Variants in LGR4 observed in about 807,000 individuals in gnomAD.
The protein encoded by LGR4 is leucine-rich repeat-containing G protein-coupled receptor 4.
LGR4 carries 44 observed loss-of-function variants against 84.8 expected under a neutral mutation model. The ratio of observed to expected loss-of-function variants is 0.52; its 90% CI spans 0.41 to 0.67. LGR4 has a LOEUF of 0.67. LGR4 is among the 30% of genes least tolerant of loss of function. The probability of loss-of-function intolerance (pLI) is 0.00; values close to 1 mark genes in which losing one functional copy is unlikely to be tolerated. For missense variants in LGR4, 1,032 were observed against 1,131.4 expected (o/e 0.91, Z 1.26); for synonymous variants, 429 against 434.3 (o/e 0.99, Z 0.15).
intron 17 of LGR4, among the ~76,000 whole-genome samples, chr11:27,371,381 T>C (rs1467858279): frequency 1.3e-5 from 2 of 152,178 alleles, no homozygotes; most frequent in Non-Finnish European, 2.9e-5. Context: ...TGTACAACCT[T>C]CACCTGGGGG....
At chr11:27,373,494 T>C in intron 15 of LGR4, 57 bp downstream of exon 15, 2 of 1,463,898 alleles carry the variant, frequency 1.4e-6, no homozygotes, top group South Asian at 3.1e-5. Flanking sequence ...CAGGACACTC[T>C]GTAATTTTGG....
intron 17 of LGR4, 35 bp from the exon 18 acceptor site, chr11:27,369,178 A>G: frequency 6.8e-7 from 1 of 1,477,562 alleles, no homozygotes; most frequent in Non-Finnish European, 9.0e-7. Context: ...GAGAAATAAA[A>G]GATAACTTAG....
intron 1 of LGR4, among the ~76,000 whole-genome samples, chr11:27,427,969 C>T (rs987477232): frequency 6.6e-6 from 1 of 152,060 alleles, no homozygotes; most frequent in African/African-American, 2.4e-5. Flanking sequence ...AATTGTAACC[C>T]GATGTTTACA....
Position 27,391,120 on chromosome 11 carries a change from A to C in LGR4, c.375T>G (p.Ile125Met). The part of the protein sequence containing the change: ...NQLKTVPSEA[I>M]RGLSALQSLR... ...AAGACTGCAAAGCACTCAGCCCTCG[A>C]ATGGCTTCACTGGGTACTGTTTTCA... Residue 125 changes from isoleucine to methionine, a missense_variant, in exon 4 of 18, where the codon ATT (isoleucine) becomes ATG (methionine). Physicochemically the swap from Ile to Met is conservative, Grantham distance 10. Transcript: ENST00000379214. 2 of 1,610,402 alleles carry C rather than the reference A, an allele frequency of 1.2e-6. No homozygotes were observed. The highest frequency in any genetic ancestry group is 1.7e-6 in the Non-Finnish European group (2 of 1,178,106).
chr11:27,438,185 C>T (rs1864244826), intron 1 of LGR4, among the ~76,000 whole-genome samples: 2 of 152,206 alleles, frequency 1.3e-5, no homozygotes, highest in Middle Eastern at 3.2e-3. Flanking sequence ...TTCCACATTT[C>T]TCCCAATACA....
intron 1 of LGR4, among the ~76,000 whole-genome samples, chr11:27,456,498 G>A (rs911784484): frequency 3.3e-5 from 5 of 152,150 alleles, no homozygotes; most frequent in African/African-American, 1.2e-4. Flanking sequence ...CAGCTATATG[G>A]AAACCATCAT....
chr11:27,434,623 G>C (rs1376042566), intron 1 of LGR4, among the ~76,000 whole-genome samples: 1 of 152,146 alleles, frequency 6.6e-6, no homozygotes, highest in African/African-American at 2.4e-5. Context: ...ACTAAACGCA[G>C]TGGCTAAAGA....
intron 1 of LGR4, among the ~76,000 whole-genome samples, chr11:27,445,486 CATG>C (rs1028850200): frequency 6.6e-6 from 1 of 152,132 alleles, no homozygotes; most frequent in Non-Finnish European, 1.5e-5. Flanking sequence ...AAGCTCTTAG[CATG>C]ATATCTGGTA....
chr11:27,461,352 A>G (rs1341030968), intron 1 of LGR4, among the ~76,000 whole-genome samples: 2 of 152,114 alleles, frequency 1.3e-5, no homozygotes, highest in African/African-American at 2.4e-5. Flanking sequence ...ATTAAAAAAA[A>G]AAAAATAACA....
chr11:27,415,079 G>C (rs950553994), intron 1 of LGR4, among the ~76,000 whole-genome samples: 1 of 152,006 alleles, frequency 6.6e-6, no homozygotes, highest in Non-Finnish European at 1.5e-5. Context: ...GATACATTTG[G>C]CCTTAACCAA....
intron 10 of LGR4, among the ~76,000 whole-genome samples, 190 bp downstream of exon 10, chr11:27,380,081 A>G (rs530510665): frequency 2.0e-5 from 3 of 152,276 alleles, no homozygotes; most frequent in East Asian, 3.9e-4. Context: ...TCTTATCCAC[A>G]TAATCGGCTC....
intron 4 of LGR4, among the ~76,000 whole-genome samples, chr11:27,387,252 GC>G (rs1240416368): frequency 6.6e-6 from 1 of 152,146 alleles, no homozygotes; most frequent in African/African-American, 2.4e-5. Flanking sequence ...CAGGCATGAG[GC>G]CTGTCCTCAA....
At chr11:27,426,136 G>A (rs148278497) in intron 1 of LGR4, among the ~76,000 whole-genome samples, 348 of 152,268 alleles carry the variant, frequency 2.3e-3, no homozygotes, top group African/African-American at 8.1e-3. Flanking sequence ...GGTTGCAGGC[G>A]GAAAGAAAGG....
chr11:27,430,839 C>T (rs1864103445), intron 1 of LGR4, among the ~76,000 whole-genome samples: 1 of 152,120 alleles, frequency 6.6e-6, no homozygotes, highest in Admixed American at 6.6e-5. Context: ...AAGGCCCTAC[C>T]TGAACTTGCT....
intron 1 of LGR4, among the ~76,000 whole-genome samples, chr11:27,424,640 C>A (rs1269979722): frequency 6.6e-6 from 1 of 152,170 alleles, no homozygotes; most frequent in South Asian, 2.1e-4. Context: ...AGAAAGAAGG[C>A]CACATCACAG....
intron 1 of LGR4, among the ~76,000 whole-genome samples, chr11:27,466,822 T>TA (rs1864785476): frequency 6.6e-6 from 1 of 152,158 alleles, no homozygotes; most frequent in Admixed American, 6.5e-5. Context: ...CTCGCTCTGT[T>TA]GCCCAGGCTG....
chr11:27,461,219 AC>A (rs1205013522), intron 1 of LGR4, among the ~76,000 whole-genome samples: 2 of 152,018 alleles, frequency 1.3e-5, no homozygotes, highest in African/African-American at 2.4e-5. Flanking sequence ...GTAAAAAAAA[AC>A]ATAGGAGCAC....
At chr11:27,381,859 T>C (rs1863101585) in intron 7 of LGR4, among the ~76,000 whole-genome samples, 1 of 152,246 alleles carries the variant, frequency 6.6e-6, no homozygotes, top group South Asian at 2.1e-4. Context: ...TTATTTATCC[T>C]ATTCATTCAG....
At chr11:27,418,151 A>T (rs905315144) in intron 1 of LGR4, among the ~76,000 whole-genome samples, 3 of 152,154 alleles carry the variant, frequency 2.0e-5, no homozygotes, top group Non-Finnish European at 2.9e-5. Flanking sequence ...TTTTTGTATT[A>T]AACTCCATTA....
Sources: gnomAD v4.1 joint callset for allele counts (sites outside exome capture counted in the v4.1 genomes callset) on GRCh38, gnomAD v4.1.1 for gene constraint, MANE v1.5 for transcripts, NCBI Gene and HGNC (gene_info 2026-07-23, HGNC 2026-07-21) for gene names.